The following THRB variants were observed in gnomAD, a reference collection of about 807,000 sequenced individuals.
THRB encodes the protein thyroid hormone receptor beta.
THRB carries 12 observed loss-of-function variants against 47.8 expected under a neutral mutation model. The observed-to-expected ratio is 0.25, with a 90% CI of 0.16 to 0.41. The LOEUF is 0.41. Among genes scored for constraint, THRB ranks in the 10% least tolerant of loss-of-function variants. THRB has a pLI of 1.00. For synonymous variants in THRB, 218 were observed against 212.2 expected (o/e 1.03, Z -0.24); for missense variants, 348 against 589.2 (o/e 0.59, Z 4.24).
At chr3:24,397,146 ATGT>A (rs1442011719) in intron 1 of THRB, among the ~76,000 whole-genome samples, 1 of 152,150 alleles carries the variant, frequency 6.6e-6, no homozygotes. Context: ...AAACATTCAG[ATGT>A]TGTTAATATA....
rs913808970 is a variant in THRB, at chr3:24,489,039, A to T, written c.-261+5613T>A. Among the ~76,000 whole-genome samples, 4 of 152,128 alleles carry T rather than the reference A, an allele frequency of 2.6e-5. No individual in the cohort carries two copies. In the East Asian group the frequency reaches 7.7e-4, roughly 29 times the overall value. Reference sequence around the variant, plus strand: ...GGGAGGCTGAGGTGGGCAGATCACGAGGTCAGGAGATCGAGACCATCCTGG... The same window carrying T: ...GGGAGGCTGAGGTGGGCAGATCACGTGGTCAGGAGATCGAGACCATCCTGG... On this transcript the variant is annotated intron_variant, in intron 1 of 10. Coordinates refer to ENST00000646209, the MANE Select transcript of THRB (RefSeq NM_001354712.2).
At chr3:24,477,288 A>AAC (rs1695630461) in intron 1 of THRB, among the ~76,000 whole-genome samples, 2 of 152,184 alleles carry the variant, frequency 1.3e-5, no homozygotes. Flanking sequence ...AACTAAGTAT[A>AAC]ATGGGTTAGT....
chr3:24,373,899 A>C (rs566256310), intron 1 of THRB, among the ~76,000 whole-genome samples: 2 of 152,224 alleles, frequency 1.3e-5, no homozygotes, highest in South Asian at 2.1e-4. Flanking sequence ...ACGCTAAGCT[A>C]TCACCAATCC....
chr3:24,136,413 C>T (rs1048427345), intron 8 of THRB, among the ~76,000 whole-genome samples: 2 of 152,112 alleles, frequency 1.3e-5, no homozygotes, highest in Non-Finnish European at 2.9e-5. Flanking sequence ...CATGAATTGA[C>T]CCGAGTTATT....
At chr3:24,316,140 C>T (rs2058096324) in intron 2 of THRB, among the ~76,000 whole-genome samples, 1 of 151,966 alleles carries the variant, frequency 6.6e-6, no homozygotes, top group Admixed American at 6.6e-5. Context: ...AAGGCAATGC[C>T]CCCTAAATGA....
chr3:24,488,551 T>TGCC (rs1367803331), intron 1 of THRB, among the ~76,000 whole-genome samples: 3 of 147,826 alleles, frequency 2.0e-5, no homozygotes, highest in African/African-American at 2.6e-5. Flanking sequence ...ACCATGAATT[T>TGCC]GCCTTCTTTT....
intron 1 of THRB, among the ~76,000 whole-genome samples, chr3:24,358,586 T>G (rs550166933): frequency 1.3e-5 from 2 of 152,298 alleles, no homozygotes; most frequent in South Asian, 4.1e-4. Flanking sequence ...CTCATAAATA[T>G]TTACACTATA....
chr3:24,480,354 T>C (rs1010678434), intron 1 of THRB, among the ~76,000 whole-genome samples: 1 of 152,096 alleles, frequency 6.6e-6, no homozygotes, highest in African/African-American at 2.4e-5. Flanking sequence ...AATTTTTCCA[T>C]CCCCAAAGTC....
intron 1 of THRB, among the ~76,000 whole-genome samples, chr3:24,410,663 C>T (rs2068214822): frequency 6.6e-6 from 1 of 151,834 alleles, no homozygotes; most frequent in South Asian, 2.1e-4. Flanking sequence ...GCTCATTTGA[C>T]CCATTCCTTT....
At chr3:24,163,691 A>G (rs1371868078) in intron 5 of THRB, among the ~76,000 whole-genome samples, 6 of 152,178 alleles carry the variant, frequency 3.9e-5, no homozygotes, top group Admixed American at 3.9e-4. Context: ...ATCCCTTGTA[A>G]TAAATGAGAT....
intron 4 of THRB, among the ~76,000 whole-genome samples, chr3:24,224,260 A>C (rs2047434973): frequency 6.6e-6 from 1 of 152,222 alleles, no homozygotes; most frequent in Admixed American, 6.5e-5. Flanking sequence ...ATAAATATGT[A>C]TTCATCGTAT....
At chr3:24,318,508 C>T (rs185239784) in intron 2 of THRB, 3 of 152,336 alleles carry the variant, frequency 2.0e-5, no homozygotes, top group Non-Finnish European at 4.4e-5. Context: ...AAAATACATA[C>T]ACATTTTGCA....
chr3:24,222,365 A>G (rs573346685), intron 4 of THRB, among the ~76,000 whole-genome samples: 94 of 152,320 alleles, frequency 6.2e-4, no homozygotes, highest in African/African-American at 1.7e-3. Context: ...AAGGAAATAC[A>G]TATCGAGGAA....
At chr3:24,229,507 C>G (rs988950945) in intron 3 of THRB, among the ~76,000 whole-genome samples, 3 of 152,204 alleles carry the variant, frequency 2.0e-5, no homozygotes, top group Non-Finnish European at 4.4e-5. Flanking sequence ...CCCTAGAGAA[C>G]TGAATCCATA....
chr3:24,244,061 A>C (rs2049862057), intron 3 of THRB, among the ~76,000 whole-genome samples: 1 of 152,168 alleles, frequency 6.6e-6, no homozygotes. Flanking sequence ...ACGAGTGGTC[A>C]GCTAGGGCTG....
At chr3:24,433,294 G>T (rs938244298) in intron 1 of THRB, among the ~76,000 whole-genome samples, 1 of 152,156 alleles carries the variant, frequency 6.6e-6, no homozygotes, top group African/African-American at 2.4e-5. Context: ...CTGATGAGAA[G>T]ATTATGCTGG....
chr3:24,153,714 T>C (rs1051633825), intron 5 of THRB, among the ~76,000 whole-genome samples: 19 of 152,108 alleles, frequency 1.2e-4, no homozygotes, highest in Non-Finnish European at 2.4e-4. Flanking sequence ...TGGTTTACCA[T>C]TGATAAATTA....
In THRB at chr3:24,240,559, A is replaced by G. The variant is rs151296930; in HGVS notation, c.-42-11558T>C. On this transcript the variant is annotated intron_variant, in intron 3 of 10. Transcript: ENST00000646209. ...GAGCACAAGATGTTCACCATGTTGG[A>G]AGAGTTGTACGAATACCTCAGTAGA... 3.9e-5 allele frequency among the ~76,000 whole-genome samples: 6 copies of G among 152,316 alleles called. No homozygotes were observed. In the East Asian group the frequency reaches 1.2e-3, roughly 29 times the overall value.
Position 24,120,079 on chromosome 3 carries a change from A to C in THRB, c.*2805T>G, listed in dbSNP as rs1428098542. ...ACAATAGATGAAAAAATGTTTAGAA[A>C]AATCTAGAGCAAATCCCTCACAAAT... On this transcript the variant is annotated 3_prime_UTR_variant, in exon 11 of 11. Transcript: ENST00000646209. The C allele has an allele frequency of 6.6e-6, 1 of 152,192 alleles. No individual in the cohort carries two copies. The highest frequency in any genetic ancestry group is 1.5e-5 in the Non-Finnish European group (1 of 68,028). The allele number at this position is 152,192 out of a possible 1,614,324, so 9.4% of individuals were successfully genotyped here.
Sources: gnomAD v4.1 joint callset for allele counts (sites outside exome capture counted in the v4.1 genomes callset) on GRCh38, gnomAD v4.1.1 for gene constraint, MANE v1.5 for transcripts, NCBI Gene and HGNC (gene_info 2026-07-23, HGNC 2026-07-21) for gene names.